The following SNTG2 variants were observed in gnomAD, a reference collection of about 807,000 sequenced individuals.
SNTG2 encodes gamma-2-syntrophin.
SNTG2 carries 74 observed loss-of-function variants against 70.9 expected under a neutral mutation model. The observed-to-expected ratio is 1.04, with a 90% CI of 0.86 to 1.27. SNTG2 has a LOEUF of 1.27. Among genes scored for constraint, SNTG2 ranks in the 50% most tolerant of loss-of-function variants. The pLI is 0.00. For synonymous variants in SNTG2, 278 were observed against 273.8 expected, an observed-to-expected ratio of 1.02 and a Z score of -0.15; for missense variants, 717 against 690.7, an observed-to-expected ratio of 1.04 and a Z score of -0.43.
At chr2:1,100,355 C>A (rs377714726) in intron 4 of SNTG2, among the ~76,000 whole-genome samples, 1 of 152,058 alleles carries the variant, frequency 6.6e-6, no homozygotes, top group African/African-American at 2.4e-5. Flanking sequence ...TTAGTAGAGG[C>A]GGGGGTCTCG....
At chr2:1,341,265 A>T (rs989185018) in intron 16 of SNTG2, 8 of 152,218 alleles carry the variant, frequency 5.3e-5, no homozygotes, top group African/African-American at 1.9e-4. Context: ...GTTCCCCATG[A>T]AAAAGGGCCA....
At chr2:1,101,210 T>TGCCC (rs1240061869) in intron 4 of SNTG2, among the ~76,000 whole-genome samples, 5 of 152,136 alleles carry the variant, frequency 3.3e-5, no homozygotes, top group Admixed American at 1.3e-4. Flanking sequence ...CCTGCCTGCC[T>TGCCC]GCCCCTGCTG....
chr2:1,000,511 A>G (rs575725168), intron 1 of SNTG2, among the ~76,000 whole-genome samples: 2 of 152,052 alleles, frequency 1.3e-5, no homozygotes, highest in African/African-American at 4.8e-5. Flanking sequence ...CACACAGACT[A>G]GAAAACCTAG....
chr2:1,103,747 C>T (rs1665944639), intron 4 of SNTG2, among the ~76,000 whole-genome samples: 2 of 152,164 alleles, frequency 1.3e-5, no homozygotes, highest in African/African-American at 4.8e-5. Flanking sequence ...AGACACCAGA[C>T]AAAGCCTCCG....
chr2:1,295,469 C>T (rs897441630), intron 14 of SNTG2, among the ~76,000 whole-genome samples: 3 of 152,206 alleles, frequency 2.0e-5, no homozygotes, highest in African/African-American at 4.8e-5. Context: ...TTCCCAGAGG[C>T]ATCTATTATA....
intron 14 of SNTG2, among the ~76,000 whole-genome samples, chr2:1,273,816 C>A (rs10211208): frequency 0.31 from 46,420 of 151,678 alleles, 7,998 homozygotes; most frequent in African/African-American, 0.47. Flanking sequence ...TTTAGACTTG[C>A]AATTAAAAGC....
At chr2:1,259,045 G>T (rs1678272717) in intron 12 of SNTG2, among the ~76,000 whole-genome samples, 1 of 152,074 alleles carries the variant, frequency 6.6e-6, no homozygotes, top group Non-Finnish European at 1.5e-5. Context: ...AATCCAAAAT[G>T]GTTTTCTAAA....
At chr2:1,017,830 A>G (rs1463466830) in intron 1 of SNTG2, among the ~76,000 whole-genome samples, 2 of 152,230 alleles carry the variant, frequency 1.3e-5, no homozygotes, top group Non-Finnish European at 2.9e-5. Context: ...TATGGAATGC[A>G]TCAATAACTG....
intron 14 of SNTG2, among the ~76,000 whole-genome samples, chr2:1,276,352 T>C (rs1011742115): frequency 5.3e-5 from 8 of 152,206 alleles, no homozygotes; most frequent in African/African-American, 1.9e-4. Flanking sequence ...TAGGGTCCAA[T>C]GTATATGGAG....
In SNTG2 at chr2:1,040,655, A is replaced by T. The variant is rs1558333994; in HGVS notation, c.73-42863A>T. On this transcript the variant is annotated intron_variant, in intron 1 of 16. Coordinates refer to ENST00000308624, the MANE Select transcript of SNTG2 (RefSeq NM_018968.4). Reference sequence around the variant, plus strand: ...CCTGAAACATGAATTTCCCTTTTTCATGCTTCAAACAAAAACCAATTTAGA... The same window carrying T: ...CCTGAAACATGAATTTCCCTTTTTCTTGCTTCAAACAAAAACCAATTTAGA... Among the ~76,000 whole-genome samples, 3 of 152,234 alleles carry T rather than the reference A, an allele frequency of 2.0e-5. No individual in the cohort carries two copies. In the South Asian group the frequency reaches 6.2e-4, roughly 31 times the overall value.
At chr2:1,207,965 A>T (rs953712865) in intron 8 of SNTG2, among the ~76,000 whole-genome samples, 2 of 152,236 alleles carry the variant, frequency 1.3e-5, no homozygotes, top group African/African-American at 2.4e-5. Flanking sequence ...GCAGCTTAAC[A>T]CTTACGAACA....
intron 12 of SNTG2, among the ~76,000 whole-genome samples, chr2:1,255,235 T>C (rs1303476935): frequency 6.6e-6 from 1 of 152,178 alleles, no homozygotes; most frequent in African/African-American, 2.4e-5. Context: ...AGTAAGGAAT[T>C]CGTTTGCAAT....
rs528128038 is a variant in SNTG2 at position 1,066,855 on chromosome 2, G to A, written c.73-16663G>A. On this transcript the variant is annotated intron_variant, in intron 1 of 16. Coordinates refer to ENST00000308624, the MANE Select transcript of SNTG2 (RefSeq NM_018968.4). The stretch of plus-strand genomic sequence containing the variant: ...GCAGCTTCTCGTGTGGTTGTAAGAG[G>A]ATCAGCTTCCACGATTACTCTCAGT... Among the ~76,000 whole-genome samples, 112 of 152,168 alleles carry A rather than the reference G, an allele frequency of 7.4e-4. 1 individual carries two copies. The highest frequency in any genetic ancestry group is 2.6e-3 in the African/African-American group (109 of 41,524).
At chr2:1,084,966 T>C (rs1456113573) in intron 2 of SNTG2, among the ~76,000 whole-genome samples, 2 of 152,176 alleles carry the variant, frequency 1.3e-5, no homozygotes, top group African/African-American at 2.4e-5. Flanking sequence ...GGGTAGTAAG[T>C]TTCCACGTGA....
chr2:1,110,682 G>A (rs530021487), intron 4 of SNTG2, among the ~76,000 whole-genome samples: 8 of 152,276 alleles, frequency 5.3e-5, no homozygotes, highest in South Asian at 2.1e-4. Context: ...TCCTCACACC[G>A]CTGGGCCTTT....
intron 1 of SNTG2, among the ~76,000 whole-genome samples, chr2:1,005,806 A>C (rs779881297): frequency 3.2e-5 from 1 of 31,224 alleles, no homozygotes; most frequent in Non-Finnish European, 6.1e-5. Context: ...TCTGCCTCAA[A>C]ATATATATAT....
At chr2:1,222,161 G>A (rs1553362437) in intron 9 of SNTG2, among the ~76,000 whole-genome samples, 1 of 149,236 alleles carries the variant, frequency 6.7e-6, no homozygotes, top group African/African-American at 2.5e-5. Context: ...GCCTATCTCT[G>A]TCTTTGTCTC....
intron 16 of SNTG2, among the ~76,000 whole-genome samples, chr2:1,337,684 T>A (rs950753441): frequency 6.6e-6 from 1 of 152,192 alleles, no homozygotes; most frequent in African/African-American, 2.4e-5. Context: ...GCACAAAAGT[T>A]ATTAATGTTG....
intron 1 of SNTG2, among the ~76,000 whole-genome samples, chr2:986,919 A>G (rs1661342804): frequency 6.6e-6 from 1 of 152,264 alleles, no homozygotes; most frequent in Admixed American, 6.5e-5. Flanking sequence ...TTAGATTAAA[A>G]TGGGAATACT....
Sources: gnomAD v4.1 joint callset for allele counts (sites outside exome capture counted in the v4.1 genomes callset) on GRCh38, gnomAD v4.1.1 for gene constraint, MANE v1.5 for transcripts, NCBI Gene and HGNC (gene_info 2026-07-23, HGNC 2026-07-21) for gene names.